UGT1A10: variants seen among roughly 807,000 people sequenced by gnomAD.
UGT1A10 encodes the protein UDP-glucuronosyltransferase 1A10.
UGT1A10 carries 49 observed loss-of-function variants against 45.8 expected under a neutral mutation model. That is an observed-to-expected ratio of 1.07 (90% CI 0.85 to 1.36). The LOEUF is 1.36. Ranked by LOEUF, UGT1A10 falls within the 40% of genes most tolerant of loss-of-function variation. The pLI is 0.00. For missense variants in UGT1A10, 745 were observed against 668.6 expected (o/e 1.11, Z -1.26); for synonymous variants, 284 against 249.7 (o/e 1.14, Z -1.29).
At chr2:233,663,637 G>C (rs915119979) in intron 1 of UGT1A10, among the ~76,000 whole-genome samples, 2 of 152,152 alleles carry the variant, frequency 1.3e-5, no homozygotes, top group African/African-American at 4.8e-5. Context: ...CCTACAAAGG[G>C]AATCTAGTCC....
intron 1 of UGT1A10, chr2:233,760,836 T>C: frequency 6.2e-7 from 1 of 1,613,700 alleles, no homozygotes; most frequent in Non-Finnish European, 8.5e-7. Flanking sequence ...AATTTGAGGC[T>C]ACCCAGTGCC....
Position 233,722,378 on chromosome 2 carries a change from G to A in UGT1A10, c.856-44656G>A, listed in dbSNP as rs140434446. Among the ~76,000 whole-genome samples, 1,163 of 152,214 alleles carry A rather than the reference G, an allele frequency of 7.6e-3. 5 individuals are homozygous for A. The highest frequency in any genetic ancestry group is 8.8e-3 in the Non-Finnish European group (598 of 68,014). On this transcript the variant is annotated intron_variant, in intron 1 of 4. Coordinates refer to ENST00000344644, the MANE Select transcript of UGT1A10 (RefSeq NM_019075.4). ...TACAAGACTAAAGTTGAAATCTTACGTTTCTTCTCCCTCTCTTTCTCCTTG... is the reference window on the plus strand; with the variant it reads ...TACAAGACTAAAGTTGAAATCTTACATTTCTTCTCCCTCTCTTTCTCCTTG...
At chr2:233,748,271 GAGGA>G (rs762610387) in intron 1 of UGT1A10, among the ~76,000 whole-genome samples, 6 of 151,770 alleles carry the variant, frequency 4.0e-5, no homozygotes, top group Admixed American at 1.3e-4. Flanking sequence ...TGGTCAATGA[GAGGA>G]AGAAGAGGCA....
At chr2:233,642,511 G>A (rs999080122) in intron 1 of UGT1A10, among the ~76,000 whole-genome samples, 3 of 152,180 alleles carry the variant, frequency 2.0e-5, no homozygotes, top group Non-Finnish European at 4.4e-5. Context: ...TCCAGCGTTA[G>A]TCCCTGGCAC....
At chr2:233,702,197 A>T (rs187320668) in intron 1 of UGT1A10, among the ~76,000 whole-genome samples, 21 of 152,306 alleles carry the variant, frequency 1.4e-4, no homozygotes, top group Admixed American at 4.6e-4. Flanking sequence ...AGCCCCTGGC[A>T]GCCATTAATC....
chr2:233,664,383 G>A (rs2074033547), intron 1 of UGT1A10, among the ~76,000 whole-genome samples: 2 of 152,024 alleles, frequency 1.3e-5, no homozygotes, highest in Non-Finnish European at 2.9e-5. Context: ...TTTTCTATTA[G>A]TACTATTTTC....
chr2:233,670,109 A>C (rs2074152298), intron 1 of UGT1A10, among the ~76,000 whole-genome samples: 1 of 152,230 alleles, frequency 6.6e-6, no homozygotes. Flanking sequence ...TATATACTGT[A>C]TTATCATAAT....
rs34946978 is a variant in UGT1A10 at position 233,768,226 on chromosome 2, C to T, written c.1082C>T (p.Pro361Leu). 720 of 1,614,202 alleles carry T rather than the reference C, an allele frequency of 4.5e-4. 7 individuals carry two copies. The East Asian group carries it at 9.4e-3, about 21-fold the overall frequency. The change falls in exon 4 of 5, where the codon CCG becomes CTG. Residue 361 changes from proline to leucine, a missense_variant. By Grantham distance (98) the Pro-to-Leu change is moderately conservative. Transcript: ENST00000344644. Reference sequence around the variant, plus strand: ...TCCCTATTTTGCATCTCAGGTCACCCGATGACCCGTGCCTTTATCACCCAT... The same window carrying T: ...TCCCTATTTTGCATCTCAGGTCACCTGATGACCCGTGCCTTTATCACCCAT... The part of the protein sequence containing the change: ...WLPQNDLLGH[P>L]MTRAFITHAG...
At chr2:233,743,198 T>G (rs1692227128) in intron 1 of UGT1A10, 1 of 382,180 alleles carries the variant, frequency 2.6e-6, no homozygotes, top group African/African-American at 2.1e-5. Flanking sequence ...TTACTTGGTG[T>G]CAATGCGGAG....
intron 1 of UGT1A10, among the ~76,000 whole-genome samples, chr2:233,706,711 A>C (rs2075920644): frequency 6.6e-6 from 1 of 152,150 alleles, no homozygotes; most frequent in Admixed American, 6.5e-5. Context: ...AAGTCATGGA[A>C]TTCTGGAATC....
chr2:233,748,156 T>G, intron 1 of UGT1A10: 1 of 1,601,882 alleles, frequency 6.2e-7, no homozygotes, highest in Non-Finnish European at 8.5e-7. Flanking sequence ...TACAATTGCT[T>G]CCATATCTAC....
chr2:233,735,338 T>G (rs1239211349), intron 1 of UGT1A10, among the ~76,000 whole-genome samples: 2 of 151,114 alleles, frequency 1.3e-5, no homozygotes, highest in Non-Finnish European at 3.0e-5. Context: ...CAACCCCTGC[T>G]TTTTTTTTGC....
chr2:233,729,877 C>T, intron 1 of UGT1A10: 5 of 1,613,842 alleles, frequency 3.1e-6, no homozygotes, highest in Non-Finnish European at 4.2e-6. Flanking sequence ...TATTCTCAGT[C>T]ATGCATCTGT....
At chr2:233,754,323 G>A (rs1357745204) in intron 1 of UGT1A10, 2 of 247,114 alleles carry the variant, frequency 8.1e-6, no homozygotes, top group Non-Finnish European at 1.6e-5. Flanking sequence ...GTCTGCCTCA[G>A]GCTTAAGTTT....
rs1392909464 is a variant in UGT1A10 at position 233,754,916 on chromosome 2, C to T, written c.856-12118C>T. 5.9e-6 allele frequency: 8 copies of T among 1,353,400 alleles called. No homozygotes were observed. The Admixed American group carries it at 9.5e-5, about 16-fold the overall frequency. The allele number at this position is 1,353,400 out of a possible 1,614,324, so 83.8% of individuals were successfully genotyped here. On this transcript the variant is annotated intron_variant, in intron 1 of 4. Coordinates refer to ENST00000344644, the MANE Select transcript of UGT1A10 (RefSeq NM_019075.4). ...TCTGACCCCCCAAAATATTCTCCAG[C>T]GGGTTTCCCAAGAGGTCAAAGGAGA...
chr2:233,756,811 T>C (rs1696332579), intron 1 of UGT1A10, among the ~76,000 whole-genome samples: 1 of 152,156 alleles, frequency 6.6e-6, no homozygotes. Context: ...TAAAGGTCAC[T>C]CAATTCCAAG....
At chr2:233,689,917 A>G (rs562345639) in intron 1 of UGT1A10, 1 of 456,690 alleles carries the variant, frequency 2.2e-6, no homozygotes, top group Admixed American at 2.3e-5. Context: ...AGGTGCCTGG[A>G]ATTTCCTTCG....
At position 233,772,539 on chromosome 2, in the gene UGT1A10, C is replaced by T; in HGVS notation, c.1573C>T (p.His525Tyr). 1.9e-6 allele frequency: 3 copies of T among 1,614,040 alleles called. No homozygotes were observed. The East Asian group carries it at 6.7e-5, about 36-fold the overall frequency. The change falls in exon 5 of 5, where the codon CAC becomes TAC. Residue 525 changes from histidine to tyrosine, a missense_variant. His to Tyr is a moderately conservative substitution (Grantham distance 83). Transcript: ENST00000344644. Reference protein sequence around the residue: ...LGKKGRVKKAHKSKTH With the variant: ...LGKKGRVKKAYKSKTH ...GAAAAAAGGGCGAGTTAAGAAAGCC[C>T]ACAAATCCAAGACCCATTGAGAAGT...
rs567983047 is a variant in UGT1A10, at chr2:233,769,352, G to A, written c.1295+913G>A. On this transcript the variant is annotated intron_variant, in intron 4 of 4. Transcript: ENST00000344644. This position sits in a 1 kb window ranked among gnomAD's most constrained non-coding sequence, Gnocchi z 4.4. The stretch of plus-strand genomic sequence containing the variant: ...GCTTATTAGAACCTTATGGGAAGAA[G>A]TGGTGGCCAGTGGTAGATTTCATCC... 6.6e-6 allele frequency among the ~76,000 whole-genome samples: 1 copy of A among 152,372 alleles called. No homozygotes were observed. Among genetic ancestry groups the A allele is most frequent in the East Asian group, 1.9e-4 (1 of 5,194 alleles).
Sources: allele counts gnomAD v4.1 joint callset (sites outside exome capture counted in the v4.1 genomes callset), GRCh38; gene constraint gnomAD v4.1.1; non-coding constraint Gnocchi (gnomAD v3.1); transcripts MANE v1.5; gene names NCBI Gene and HGNC (gene_info 2026-07-23, HGNC 2026-07-21).